Variants in TRPM3 observed in about 807,000 individuals in gnomAD.
The protein encoded by TRPM3 is long transient receptor potential channel 3.
In TRPM3, 77 loss-of-function variants were observed where a neutral mutation model predicts 181.2. That is an observed-to-expected ratio of 0.42 (90% confidence interval 0.35 to 0.51). The LOEUF (loss-of-function observed/expected upper bound fraction) is 0.51. TRPM3 is among the 20% of genes least tolerant of loss of function. TRPM3 has a pLI of 0.01. For synonymous variants in TRPM3, 745 were observed against 796.4 expected (o/e 0.94, Z 1.09); for missense variants, 1,759 against 2,196.7 (o/e 0.80, Z 3.98).
At chr9:71,283,135 C>A (rs1472595281) in intron 1 of TRPM3, among the ~76,000 whole-genome samples, 1 of 152,124 alleles carries the variant, frequency 6.6e-6, no homozygotes. Flanking sequence ...TCCTCCAAGT[C>A]CTTGGAAACC....
chr9:70,616,224 G>C, intron 17 of TRPM3, 149 bp from the exon 18 acceptor site: 1 of 462,898 alleles, frequency 2.2e-6, no homozygotes, highest in Non-Finnish European at 3.7e-6. Flanking sequence ...TATATGCTCT[G>C]TGGGGGACCT....
intron 1 of TRPM3, among the ~76,000 whole-genome samples, chr9:71,255,233 T>A (rs1017548060): frequency 1.3e-5 from 2 of 152,240 alleles, no homozygotes; most frequent in African/African-American, 2.4e-5. Flanking sequence ...TGAAGATTTT[T>A]AAAAATATTT....
At chr9:71,302,350 G>A (rs1240316069) in intron 1 of TRPM3, among the ~76,000 whole-genome samples, 3 of 152,128 alleles carry the variant, frequency 2.0e-5, no homozygotes, top group Admixed American at 6.6e-5. Context: ...GACTATTTGA[G>A]TAAGAAGGAC....
intron 24 of TRPM3, among the ~76,000 whole-genome samples, chr9:70,551,720 T>C (rs1178623774): frequency 1.3e-5 from 2 of 152,204 alleles, no homozygotes; most frequent in African/African-American, 4.8e-5. Context: ...TATCATTCAT[T>C]AGAGCATCCC....
At chr9:70,681,009 T>C (rs1437426911) in intron 9 of TRPM3, among the ~76,000 whole-genome samples, 4 of 152,192 alleles carry the variant, frequency 2.6e-5, no homozygotes, top group Non-Finnish European at 5.9e-5. Flanking sequence ...AATTTAATGC[T>C]ATATTATAAC....
chr9:70,685,368 T>C (rs2066483103), intron 8 of TRPM3, among the ~76,000 whole-genome samples: 2 of 139,168 alleles, frequency 1.4e-5, no homozygotes, highest in African/African-American at 5.1e-5. Context: ...TCATGGTCAT[T>C]TCAAAGAATC....
rs191444681 is a variant in TRPM3, at chr9:70,917,126, C to T, written c.178-52615G>A. 4.4e-4 allele frequency: 704 copies of T among 1,605,080 alleles called. 7 individuals carry two copies. The African/African-American group carries it at 8.4e-3, about 19-fold the overall frequency. ...GATGTAACACATTTCCATAGGGGTT[C>T]GGATGAGTTCGGCCACATCTGGGGC... On this transcript the variant is annotated intron_variant, in intron 1 of 25. Transcript: ENST00000677713.
chr9:71,253,923 AATTATT>A (rs753382812), intron 1 of TRPM3, among the ~76,000 whole-genome samples: 1 of 152,032 alleles, frequency 6.6e-6, no homozygotes, highest in Non-Finnish European at 1.5e-5. Flanking sequence ...AAAGTGGATA[AATTATT>A]ATTATTATTG....
intron 1 of TRPM3, among the ~76,000 whole-genome samples, chr9:71,342,228 A>T (rs2091009108): frequency 2.2e-5 from 3 of 138,664 alleles, no homozygotes; most frequent in Middle Eastern, 7.5e-3. Context: ...CTTTATGGAG[A>T]AGAAATTGGT....
rs768597486 is a variant in TRPM3 at position 70,536,213 on chromosome 9, TTC to T, written c.4898_4899del (p.Arg1633AsnfsTer37). ...GGAACAGTGATGTTGTTGGACAGGGTTCTCTCTGAGTTATCACCCTCCTGGGA... is the reference window on the plus strand; with the variant it reads ...GGAACAGTGATGTTGTTGGACAGGGTTCTCTGAGTTATCACCCTCCTGGGA... The part of the protein sequence containing the change: ...ISSQEGDNSE[R>X]TLSNNITVPK... On this transcript the variant is annotated frameshift_variant, in exon 26 of 26. Transcript: ENST00000677713. LOFTEE classifies it high-confidence loss of function. 6 of 1,614,104 alleles carry T rather than the reference TTC, an allele frequency of 3.7e-6. No individual in the cohort carries two copies.
intron 17 of TRPM3, 80 bp from the exon 18 acceptor site, chr9:70,616,155 T>C: frequency 8.7e-7 from 1 of 1,149,454 alleles, no homozygotes; most frequent in Non-Finnish European, 1.2e-6. Context: ...TCAGAGAGCC[T>C]GAGGTATGGG....
chr9:70,929,427 C>T (rs2096753157), intron 1 of TRPM3, among the ~76,000 whole-genome samples: 1 of 152,100 alleles, frequency 6.6e-6, no homozygotes, highest in Admixed American at 6.6e-5. Flanking sequence ...GTCTTGAACT[C>T]CTGACCTCAA....
intron 1 of TRPM3, among the ~76,000 whole-genome samples, chr9:71,017,752 C>T (rs2097796096): frequency 6.6e-6 from 1 of 151,666 alleles, no homozygotes; most frequent in Admixed American, 6.6e-5. Context: ...CATCAAAATA[C>T]ATAACACACC....
intron 1 of TRPM3, among the ~76,000 whole-genome samples, chr9:71,328,122 G>T (rs1413848087): frequency 6.6e-6 from 1 of 151,598 alleles, no homozygotes; most frequent in Non-Finnish European, 1.5e-5. Flanking sequence ...GAAGCCAAAG[G>T]GTCTCCAACC....
chr9:71,156,376 GACACACACACACACACACAC>G (rs71507025), intron 1 of TRPM3, among the ~76,000 whole-genome samples: 9 of 138,372 alleles, frequency 6.5e-5, no homozygotes, highest in East Asian at 2.2e-4. Context: ...ATATACTACA[GACACACACACACACACACAC>G]ACACACACAC....
chr9:70,656,490 A>G (rs139966284), intron 9 of TRPM3, among the ~76,000 whole-genome samples: 6 of 152,332 alleles, frequency 3.9e-5, no homozygotes, highest in African/African-American at 1.4e-4. Flanking sequence ...AGTTTGGCCT[A>G]TGCCCAGGAA....
At position 70,532,859 on chromosome 9, in the gene TRPM3, A is replaced by G. The variant is rs1429605990; in HGVS notation, c.*3094T>C. The G allele has an allele frequency of 6.6e-6, 1 of 152,222 alleles. No homozygotes were observed. Among genetic ancestry groups the G allele is most frequent in the Non-Finnish European group, 1.5e-5 (1 of 68,038 alleles). 9.4% of individuals were successfully genotyped at this position (152,222 alleles called of 1,614,324 possible). A position where few individuals can be genotyped will look rare whatever the true frequency, so the allele number is the denominator to read the frequency against. On this transcript the variant is annotated 3_prime_UTR_variant, in exon 26 of 26. Coordinates refer to ENST00000677713, the MANE Select transcript of TRPM3 (RefSeq NM_001366145.2). ...CTCGATCAGGGATGTGGTGGAATCA[A>G]TGGGCTGAGCATAAGCTGACTGCAC...
intron 1 of TRPM3, among the ~76,000 whole-genome samples, chr9:71,001,849 T>C (rs997821805): frequency 2.0e-5 from 3 of 152,246 alleles, no homozygotes; most frequent in African/African-American, 7.2e-5. Context: ...CCTTTGTTGC[T>C]TAGTTGGCAG....
intron 9 of TRPM3, among the ~76,000 whole-genome samples, chr9:70,676,676 G>T (rs889315313): frequency 2.0e-5 from 3 of 152,160 alleles, no homozygotes; most frequent in Admixed American, 2.0e-4. Flanking sequence ...CACTCTTGAG[G>T]TATCTGAGGT....
Sources: allele counts gnomAD v4.1 joint callset (sites outside exome capture counted in the v4.1 genomes callset), GRCh38; gene constraint gnomAD v4.1.1; transcripts MANE v1.5; gene names NCBI Gene and HGNC (gene_info 2026-07-23, HGNC 2026-07-21).